Variants in NBEA observed in about 807,000 individuals in gnomAD.
NBEA encodes neurobeachin.
In NBEA, 44 loss-of-function variants were observed where a neutral mutation model predicts 343.4. The ratio of observed to expected loss-of-function variants is 0.13; its 90% CI spans 0.10 to 0.16. NBEA has a LOEUF of 0.16. Among genes scored for constraint, NBEA ranks in the 10% least tolerant of loss-of-function variants. NBEA has a pLI of 1.00. For missense variants in NBEA, 2,555 were observed against 3,631.3 expected (o/e 0.70, Z 7.62); for synonymous variants, 1,175 against 1,238.7 (o/e 0.95, Z 1.08).
chr13:35,068,806 T>C lies in NBEA; in HGVS notation c.1240-1102T>C, dbSNP rs2063753769. Among the ~76,000 whole-genome samples, 4 of 152,308 alleles carry C rather than the reference T, an allele frequency of 2.6e-5. No homozygotes were observed. The South Asian group carries it at 8.3e-4, about 32-fold the overall frequency. ...ATTTTAGATAAAAATTCAGATTTCA[T>C]GTTTCTCTTGAAAAATATGGAAGAA... On this transcript the variant is annotated intron_variant, in intron 8 of 58. Coordinates refer to ENST00000379939, the MANE Select transcript of NBEA (RefSeq NM_001385012.1).
chr13:35,583,749 C>T, intron 45 of NBEA, 149 bp from the exon 46 acceptor site: 1 of 613,664 alleles, frequency 1.6e-6, no homozygotes, highest in Non-Finnish European at 2.7e-6. Flanking sequence ...ATATCAAAAT[C>T]CAGTATGGTT....
intron 10 of NBEA, among the ~76,000 whole-genome samples, chr13:35,097,934 A>G (rs1452414540): frequency 1.3e-5 from 2 of 152,130 alleles, no homozygotes; most frequent in African/African-American, 4.8e-5. Flanking sequence ...ATTCAAAAGA[A>G]TAGTATGATA....
chr13:35,371,475 G>C (rs1428173059), intron 38 of NBEA, among the ~76,000 whole-genome samples: 1 of 151,358 alleles, frequency 6.6e-6, no homozygotes, highest in Non-Finnish European at 1.5e-5. Flanking sequence ...TGTTTGTTAT[G>C]ATACCTCTTT....
At chr13:35,557,784 G>T (rs550450500) in intron 44 of NBEA, among the ~76,000 whole-genome samples, 2 of 152,112 alleles carry the variant, frequency 1.3e-5, no homozygotes, top group East Asian at 3.9e-4. Flanking sequence ...CATTGCTATC[G>T]TGAATGCTGC....
chr13:35,311,325 A>T (rs1167822365), intron 36 of NBEA, among the ~76,000 whole-genome samples: 1 of 151,320 alleles, frequency 6.6e-6, no homozygotes, highest in East Asian at 1.9e-4. Flanking sequence ...AAAAATATAT[A>T]TATATATAAA....
intron 25 of NBEA, among the ~76,000 whole-genome samples, chr13:35,169,731 A>G (rs1299366495): frequency 6.6e-6 from 1 of 151,750 alleles, no homozygotes; most frequent in Non-Finnish European, 1.5e-5. Flanking sequence ...TCATTCCTTT[A>G]TAGAACATTT....
intron 16 of NBEA, among the ~76,000 whole-genome samples, chr13:35,119,687 G>C (rs2066688104): frequency 6.6e-6 from 1 of 152,084 alleles, no homozygotes; most frequent in South Asian, 2.1e-4. Flanking sequence ...CCGGGTTCAC[G>C]CCATTCTCCT....
chr13:35,177,074 C>T lies in NBEA; in HGVS notation c.4633C>T (p.Arg1545Cys). ...DRLLQDVDIN[R>C]LRAVVFRDVD... ...ACTTCTTCAGGATGTTGATATCAAT[C>T]GCCTTCGTGCTGTTGTCTTTCGGGA... Residue 1545 changes from arginine (R) to cysteine (C), a missense_variant, in exon 28 of 59, where the codon CGC (arginine) becomes TGC (cysteine). By Grantham distance (180) the Arg-to-Cys change is radical. Around this residue, in one of 21 missense-constraint regions of NBEA, gnomAD observed 168 missense variants for 193.0 expected, o/e 0.87. Coordinates refer to ENST00000379939, the MANE Select transcript of NBEA (RefSeq NM_001385012.1). 3 of 1,602,436 alleles carry T rather than the reference C, an allele frequency of 1.9e-6. No homozygotes were observed. The highest frequency in any genetic ancestry group is 2.3e-5 in the East Asian group (1 of 44,346).
chr13:35,188,931 T>C, intron 30 of NBEA, among the ~76,000 whole-genome samples: 1 of 150,896 alleles, frequency 6.6e-6, no homozygotes, highest in Non-Finnish European at 1.5e-5. Flanking sequence ...TTTGGTTGTT[T>C]TTTTTTGAGA....
intron 21 of NBEA, among the ~76,000 whole-genome samples, chr13:35,157,560 A>G (rs556416087): frequency 6.6e-6 from 1 of 152,208 alleles, no homozygotes; most frequent in South Asian, 2.1e-4. Flanking sequence ...TGCTCTTTCA[A>G]CTGGTTCTTG....
chr13:35,464,367 A>G (rs922654711), intron 40 of NBEA, among the ~76,000 whole-genome samples: 2 of 152,168 alleles, frequency 1.3e-5, no homozygotes, highest in Admixed American at 1.3e-4. Flanking sequence ...TTTTGTCCAA[A>G]CTATTCCCCC....
chr13:35,458,091 G>A (rs2152950395), intron 40 of NBEA, among the ~76,000 whole-genome samples: 1 of 152,296 alleles, frequency 6.6e-6, no homozygotes, highest in Admixed American at 6.5e-5. Flanking sequence ...TATATTCTTA[G>A]GAGGGGAATT....
intron 46 of NBEA, among the ~76,000 whole-genome samples, chr13:35,585,798 T>C (rs2081267149): frequency 6.6e-6 from 1 of 152,150 alleles, no homozygotes; most frequent in African/African-American, 2.4e-5. Flanking sequence ...TGGGAAGCTT[T>C]TTCCTAGATA....
intron 1 of NBEA, among the ~76,000 whole-genome samples, chr13:35,021,401 C>G (rs142654217): frequency 1.3e-5 from 2 of 152,128 alleles, no homozygotes; most frequent in African/African-American, 2.4e-5. Flanking sequence ...TGCTATATTT[C>G]GTACATTCTT....
rs527670799 is a variant in NBEA, at chr13:35,287,398, C to T, written c.5777-2991C>T. On this transcript the variant is annotated intron_variant, in intron 34 of 58. Transcript: ENST00000379939. ...AAACAGTCCTTAGTATCATTTCTCCCGTTTTATAACTTGCTTTAAATTATT... is the reference window on the plus strand; with the variant it reads ...AAACAGTCCTTAGTATCATTTCTCCTGTTTTATAACTTGCTTTAAATTATT... Among the ~76,000 whole-genome samples the T allele has an allele frequency of 1.1e-4, 17 of 152,062 alleles. 1 individual carries two copies. The East Asian group carries it at 2.7e-3, about 24-fold the overall frequency.
intron 40 of NBEA, among the ~76,000 whole-genome samples, chr13:35,452,521 CTATAT>C (rs1444268674): frequency 6.6e-6 from 1 of 152,090 alleles, no homozygotes; most frequent in Non-Finnish European, 1.5e-5. Flanking sequence ...ATCTTACGGC[CTATAT>C]TATAATTGGG....
At chr13:35,365,619 C>A (rs992307356) in intron 38 of NBEA, among the ~76,000 whole-genome samples, 6 of 151,610 alleles carry the variant, frequency 4.0e-5, no homozygotes, top group African/African-American at 1.4e-4. Context: ...AGATAAATTT[C>A]TTGACACTTG....
At chr13:35,399,784 C>G (rs1478560676) in intron 38 of NBEA, among the ~76,000 whole-genome samples, 1 of 152,030 alleles carries the variant, frequency 6.6e-6, no homozygotes, top group East Asian at 1.9e-4. Context: ...TCATTTCTGC[C>G]TTTTGATTTA....
chr13:35,109,694 G>A (rs370933094), intron 12 of NBEA, among the ~76,000 whole-genome samples: 1 of 152,078 alleles, frequency 6.6e-6, no homozygotes, highest in East Asian at 1.9e-4. Flanking sequence ...ACTTTTCAAT[G>A]AAGAAAATTT....
Sources: gnomAD v4.1 joint callset for allele counts (sites outside exome capture counted in the v4.1 genomes callset) on GRCh38, gnomAD v4.1.1 for gene constraint, gnomAD v4.1.1 regional missense constraint, MANE v1.5 for transcripts, NCBI Gene and HGNC (gene_info 2026-07-23, HGNC 2026-07-21) for gene names.